The following TOP2A variants were observed in gnomAD, a reference collection of about 807,000 sequenced individuals.
TOP2A encodes DNA topoisomerase II alpha, also known as DNA topoisomerase 2-alpha.
TOP2A carries 68 observed loss-of-function variants against 187.2 expected under a neutral mutation model. The ratio of observed to expected loss-of-function variants is 0.36; its 90% CI spans 0.30 to 0.44. TOP2A has a LOEUF of 0.44. Ranked by LOEUF, TOP2A falls within the 20% of genes least tolerant of loss-of-function variation. TOP2A has a pLI of 1.00. For synonymous variants in TOP2A, 542 were observed against 593.2 expected (o/e 0.91, Z 1.25); for missense variants, 1,196 against 1,808.7 (o/e 0.66, Z 6.14).
Position 40,413,484 on chromosome 17 carries a change from C to G in TOP2A, c.474G>C (p.Val158=). The stretch of plus-strand genomic sequence containing the variant: ...TATTTCCCCTCAATACTCTACCTGT[C>G]ACTTTCTTTTCATCATCATCATAGT... ...SSNYDDDEKK[V]TGGRNGYGAK... The change falls in exon 5 of 35, where the codon GTG becomes GTC. Residue 158 remains valine (V), a synonymous_variant. Coordinates refer to ENST00000423485, the MANE Select transcript of TOP2A (RefSeq NM_001067.4). 1 of 1,528,328 alleles carries G rather than the reference C, an allele frequency of 6.5e-7. No individual in the cohort carries two copies. Among genetic ancestry groups the G allele is most frequent in the Non-Finnish European group, 8.8e-7 (1 of 1,138,870 alleles). The allele number at this position is 1,528,328 out of a possible 1,614,324, so 94.7% of individuals were successfully genotyped here.
In TOP2A at chr17:40,391,502, T is replaced by A; in HGVS notation, c.4267+4A>T. 1 of 1,607,934 alleles carries A rather than the reference T, an allele frequency of 6.2e-7. No individual in the cohort carries two copies. On this transcript the variant is annotated splice_donor_region_variant and intron_variant, in intron 33 of 34. Coordinates refer to ENST00000423485, the MANE Select transcript of TOP2A (RefSeq NM_001067.4). ...ATTAACCCATCTCAAAGATTTAGGCTTACTTTTTGCTGCTGTCTTCTTCAC... is the reference window on the plus strand; with the variant it reads ...ATTAACCCATCTCAAAGATTTAGGCATACTTTTTGCTGCTGTCTTCTTCAC...
At chr17:40,412,618 C>T (rs1284910881) in intron 7 of TOP2A, 141 bp downstream of exon 7, 10 of 709,816 alleles carry the variant, frequency 1.4e-5, no homozygotes, top group Non-Finnish European at 2.3e-5. Context: ...CACTCCAGCC[C>T]GGGCAACAGT....
chr17:40,409,519 G>A (rs547531952), intron 10 of TOP2A: 29 of 437,326 alleles, frequency 6.6e-5, no homozygotes, highest in South Asian at 4.7e-4. Context: ...AGCACTTTAG[G>A]AGGCCGAGGA....
intron 29 of TOP2A, 130 bp from the exon 30 acceptor site, chr17:40,392,867 T>A (rs1834635441): frequency 3.8e-6 from 3 of 791,990 alleles, no homozygotes; most frequent in Non-Finnish European, 5.9e-6. Context: ...AAGAGACAGA[T>A]ATGGTCTCTG....
chr17:40,393,166 A>G (rs1598608002), intron 29 of TOP2A, among the ~76,000 whole-genome samples: 2 of 151,916 alleles, frequency 1.3e-5, no homozygotes, highest in East Asian at 3.9e-4. Flanking sequence ...TACAAAAAAT[A>G]CAGAAATTAA....
chr17:40,414,327 A>G (rs1300094674), intron 4 of TOP2A, among the ~76,000 whole-genome samples: 1 of 152,038 alleles, frequency 6.6e-6, no homozygotes, highest in Non-Finnish European at 1.5e-5. Flanking sequence ...CCTCCTGAAT[A>G]GCTGGGACTA....
At chr17:40,409,051 T>C (rs1333022048) in intron 10 of TOP2A, 1 of 346,480 alleles carries the variant, frequency 2.9e-6, no homozygotes, top group African/African-American at 2.2e-5. Flanking sequence ...AAAAATTAGC[T>C]GGCGTGGTGG....
At chr17:40,402,843 C>T (rs1279201953) in intron 20 of TOP2A, 63 bp downstream of exon 20, 1 of 1,507,452 alleles carries the variant, frequency 6.6e-7, no homozygotes, top group Non-Finnish European at 9.0e-7. Flanking sequence ...TTTTGGTGAA[C>T]TAAATCTCAC....
chr17:40,416,012 T>C lies in TOP2A; in HGVS notation c.325A>G (p.Ile109Val), dbSNP rs1414600000. ...ACTAAGCAAAAGACGTACGGATCAA[T>C]TGTGACTCTAATACAAGACATTTTT... ...DPKMSCIRVTIDPENNLISIW... is the reference protein window; with the variant it reads ...DPKMSCIRVTVDPENNLISIW... The change falls in exon 4 of 35, where the codon ATT (isoleucine) becomes GTT (valine). Residue 109 changes from isoleucine to valine, a missense_variant. Coordinates refer to ENST00000423485, the MANE Select transcript of TOP2A (RefSeq NM_001067.4). The C allele has an allele frequency of 8.2e-6, 13 of 1,586,984 alleles. No individual in the cohort carries two copies. Among genetic ancestry groups the C allele is most frequent in the Non-Finnish European group, 1.1e-5 (13 of 1,163,800 alleles).
chr17:40,409,563 A>G, intron 10 of TOP2A: 1 of 402,544 alleles, frequency 2.5e-6, no homozygotes, highest in Non-Finnish European at 4.8e-6. Flanking sequence ...GTTCAAGACC[A>G]GCCTGGCCAA....
intron 32 of TOP2A, 129 bp downstream of exon 32, chr17:40,391,939 A>G: frequency 1.9e-6 from 2 of 1,040,966 alleles, no homozygotes; most frequent in Non-Finnish European, 2.8e-6. Context: ...CAGTATCAAC[A>G]TAATGTTAAT....
intron 30 of TOP2A, 101 bp downstream of exon 30, chr17:40,392,484 T>C (rs2035037218): frequency 6.8e-7 from 1 of 1,470,680 alleles, no homozygotes; most frequent in African/African-American, 1.4e-5. Flanking sequence ...CATAATTTAC[T>C]GCTCTATTAA....
chr17:40,400,834 C>T lies in TOP2A; in HGVS notation c.2664+16G>A, dbSNP rs2143648857. On this transcript the variant is annotated intron_variant, in intron 21 of 34. Coordinates refer to ENST00000423485, the MANE Select transcript of TOP2A (RefSeq NM_001067.4). ...CAAGGAAAAGTTAAGGCTCTTAACA[C>T]ACACAGAATACTTACCATTGGCAAA... 6.2e-7 allele frequency: 1 copy of T among 1,612,074 alleles called. No individual in the cohort carries two copies. The highest frequency in any genetic ancestry group is 8.5e-7 in the Non-Finnish European group (1 of 1,178,326).
intron 27 of TOP2A, among the ~76,000 whole-genome samples, chr17:40,398,007 A>G (rs760258597): frequency 9.2e-5 from 14 of 151,674 alleles, no homozygotes; most frequent in Non-Finnish European, 1.6e-4. Context: ...CGAACTCCCA[A>G]CCTCAGGTGA....
chr17:40,406,355 A>T (rs1440061483), intron 16 of TOP2A, 29 bp downstream of exon 16: 1 of 1,507,298 alleles, frequency 6.6e-7, no homozygotes, highest in Non-Finnish European at 9.1e-7. Context: ...CTAAAATTAG[A>T]ATGTATATAA....
At position 40,404,868 on chromosome 17, in the gene TOP2A, GT is replaced by G; in HGVS notation, c.1968del (p.Lys656AsnfsTer3). The G allele has an allele frequency of 6.3e-7, 1 of 1,585,266 alleles. No homozygotes were observed. Among genetic ancestry groups the G allele is most frequent in the Non-Finnish European group, 8.6e-7 (1 of 1,163,750 alleles). On this transcript the variant is annotated frameshift_variant, in exon 17 of 35. Coordinates refer to ENST00000423485, the MANE Select transcript of TOP2A (RefSeq NM_001067.4). LOFTEE classifies it high-confidence loss of function. ...AACCATTCCTTTCGATCATCTATCT[GT>G]TTTTTGCTAAAGGCCTATAAATTAA... ...DAAISLAFSK[K>X]QIDDRKEWLT...
rs767854487 is a variant in TOP2A at position 40,408,024 on chromosome 17, A to G, written c.1443T>C (p.Tyr481=). The change falls in exon 12 of 35, where the codon TAT becomes TAC. Residue 481 remains tyrosine, a synonymous_variant. Transcript: ENST00000423485. ...TTTTTCCTCTAAGAGGGAAAACCCC[A>G]TATTTGTCTCTCCCAACCACACCAA... ...SGLGVVGRDK[Y]GVFPLRGKIL... is the part of the protein sequence containing the mutation. The G allele has an allele frequency of 9.3e-6, 15 of 1,613,506 alleles. No individual in the cohort carries two copies. Among genetic ancestry groups the G allele is most frequent in the African/African-American group, 1.3e-5 (1 of 74,904 alleles).
chr17:40,395,452 G>C lies in TOP2A; in HGVS notation c.3808C>G (p.Pro1270Ala). 4 of 1,600,094 alleles carry C rather than the reference G, an allele frequency of 2.5e-6. No individual in the cohort carries two copies. Among genetic ancestry groups the C allele is most frequent in the Non-Finnish European group, 3.4e-6 (4 of 1,170,222 alleles). Residue 1270 changes from proline (P) to alanine (A), a missense_variant, in exon 29 of 35, where the codon CCA (proline) becomes GCA (alanine). Physicochemically the swap from Pro to Ala is conservative, Grantham distance 27. Around this residue, in one of 10 missense-constraint regions of TOP2A, gnomAD observed 374 missense variants for 403.3 expected, o/e 0.93. Coordinates refer to ENST00000423485, the MANE Select transcript of TOP2A (RefSeq NM_001067.4). Reference protein sequence around the residue: ...QRLEKKQKREPGTKTKKQTTL... With the variant: ...QRLEKKQKREAGTKTKKQTTL... ...TTTTCTAAAAATGTTGTAATACCTG[G>C]TTCTCTTTTCTGTTTCTTTTCTAAT...
At position 40,412,761 on chromosome 17, in the gene TOP2A, G is replaced by C; in HGVS notation, c.787C>G (p.Pro263Ala). The C allele has an allele frequency of 6.2e-7, 1 of 1,611,344 alleles. No homozygotes were observed. Among genetic ancestry groups the C allele is most frequent in the Admixed American group, 1.7e-5 (1 of 59,974 alleles). The change falls in exon 7 of 35, where the codon CCA becomes GCA. Residue 263 changes from proline (P) to alanine (A), a missense_variant and splice_region_variant. This residue lies in a region of TOP2A where 252 missense variants were observed against 434.8 expected (regional missense o/e 0.58). Coordinates refer to ENST00000423485, the MANE Select transcript of TOP2A (RefSeq NM_001067.4). Reference protein sequence around the residue: ...VKVFLNGNKLPVKGFRSYVDM... With the variant: ...VKVFLNGNKLAVKGFRSYVDM... ...TTAACATCCAGGAAAATACTCACTGGCAGTTTATTTCCATTAAGAAAGACT... is the reference window on the plus strand; with the variant it reads ...TTAACATCCAGGAAAATACTCACTGCCAGTTTATTTCCATTAAGAAAGACT...
Sources: gnomAD v4.1 joint callset for allele counts (sites outside exome capture counted in the v4.1 genomes callset) on GRCh38, gnomAD v4.1.1 for gene constraint, gnomAD v4.1.1 regional missense constraint, MANE v1.5 for transcripts, NCBI Gene and HGNC (gene_info 2026-07-23, HGNC 2026-07-21) for gene names.